TAFA1: variants seen among roughly 807,000 people sequenced by gnomAD.
TAFA1 encodes the protein chemokine-like protein TAFA-1.
Under a neutral mutation model 18.5 loss-of-function variants are expected in TAFA1, and 4 were observed. That is an observed-to-expected ratio of 0.22 (90% confidence interval 0.11 to 0.49). The LOEUF (loss-of-function observed/expected upper bound fraction) is 0.49. Among genes scored for constraint, TAFA1 ranks in the 20% least tolerant of loss-of-function variants. The pLI, the probability that TAFA1 is intolerant of heterozygous loss-of-function variation, is 0.98. For missense variants in TAFA1, 147 were observed against 169.0 expected (o/e 0.87, Z 0.72); for synonymous variants, 56 against 55.2 (o/e 1.01, Z -0.06).
chr3:68,082,801 A>C (rs1021796205), intron 2 of TAFA1, among the ~76,000 whole-genome samples: 64 of 152,196 alleles, frequency 4.2e-4, no homozygotes, highest in African/African-American at 1.5e-3. Context: ...AGTTTCAGCT[A>C]CTTTGGAGGC....
intron 2 of TAFA1, among the ~76,000 whole-genome samples, chr3:68,370,273 G>T (rs2069655486): frequency 1.2e-5 from 1 of 83,420 alleles, no homozygotes; most frequent in African/African-American, 5.2e-5. Context: ...GGGCGACAAG[G>T]GAGACCCCAT....
At chr3:68,458,477 A>G (rs368174285) in intron 3 of TAFA1, among the ~76,000 whole-genome samples, 5 of 152,302 alleles carry the variant, frequency 3.3e-5, no homozygotes, top group African/African-American at 9.6e-5. Flanking sequence ...GTTTTTCATG[A>G]GAACCATATA....
Position 68,138,017 on chromosome 3 carries a change from T to C in TAFA1, c.118+131273T>C, listed in dbSNP as rs563816828. On this transcript the variant is annotated intron_variant, in intron 2 of 4. Transcript: ENST00000478136. ...AAAAAGTGGATTCAATGAGTAGATA[T>C]TTACTTCCCGAAAATTAGGGCAAAG... is the stretch of plus-strand genomic sequence containing the variant. Among the ~76,000 whole-genome samples, 312 of 152,206 alleles carry C rather than the reference T, an allele frequency of 2.0e-3. 1 individual carries two copies. Among genetic ancestry groups the C allele is most frequent in the Non-Finnish European group, 3.9e-3 (267 of 68,010 alleles).
chr3:68,082,521 T>A (rs558052338), intron 2 of TAFA1, among the ~76,000 whole-genome samples: 5 of 152,224 alleles, frequency 3.3e-5, no homozygotes, highest in African/African-American at 1.2e-4. Flanking sequence ...AAATTATTAA[T>A]CTCTCAAAGT....
intron 3 of TAFA1, among the ~76,000 whole-genome samples, chr3:68,445,467 A>C (rs898643747): frequency 6.6e-6 from 1 of 152,170 alleles, no homozygotes; most frequent in Non-Finnish European, 1.5e-5. Flanking sequence ...GGGCAAACTA[A>C]TTTTCTCTGA....
chr3:68,256,853 G>T (rs75466708), intron 2 of TAFA1, among the ~76,000 whole-genome samples: 13,586 of 152,056 alleles, frequency 0.089, 908 homozygotes, highest in Admixed American at 0.25. Flanking sequence ...CAAAACCTTT[G>T]TATGAGCCAC....
chr3:68,190,578 C>A (rs1056418287), intron 2 of TAFA1, among the ~76,000 whole-genome samples: 1 of 151,828 alleles, frequency 6.6e-6, no homozygotes, highest in East Asian at 1.9e-4. Flanking sequence ...GTTCCTCAGT[C>A]TTCCTGTTTT....
chr3:68,108,533 C>G (rs955926472), intron 2 of TAFA1, among the ~76,000 whole-genome samples: 1 of 151,688 alleles, frequency 6.6e-6, no homozygotes, highest in South Asian at 2.1e-4. Context: ...ACTGTGCCTA[C>G]GGTATTAGGC....
At chr3:68,405,272 TTCTC>T (rs1238361731) in intron 2 of TAFA1, among the ~76,000 whole-genome samples, 1 of 152,120 alleles carries the variant, frequency 6.6e-6, no homozygotes, top group East Asian at 1.9e-4. Flanking sequence ...TTGGGCTTCT[TTCTC>T]AGTATGTATT....
chr3:68,164,629 ACGTG>A (rs1465698637), intron 2 of TAFA1, among the ~76,000 whole-genome samples: 1 of 41,324 alleles, frequency 2.4e-5, no homozygotes. Context: ...TCCTTTTGCA[ACGTG>A]TGTGTGTGTG....
chr3:68,469,553 G>C (rs929159631), intron 3 of TAFA1, among the ~76,000 whole-genome samples: 2 of 152,086 alleles, frequency 1.3e-5, no homozygotes, highest in African/African-American at 4.8e-5. Flanking sequence ...GGTGCCTGTA[G>C]TCCCAGCTAC....
intron 2 of TAFA1, among the ~76,000 whole-genome samples, chr3:68,244,255 T>C (rs544752164): frequency 1.8e-4 from 27 of 152,328 alleles, no homozygotes; most frequent in African/African-American, 6.3e-4. Flanking sequence ...ATCAAAAGTT[T>C]CTAATTTTGA....
chr3:68,112,643 C>A (rs1238802708), intron 2 of TAFA1, among the ~76,000 whole-genome samples: 1 of 151,150 alleles, frequency 6.6e-6, no homozygotes, highest in Non-Finnish European at 1.5e-5. Context: ...TTCAGTAATG[C>A]AAGAAAAAAA....
intron 2 of TAFA1, among the ~76,000 whole-genome samples, chr3:68,203,275 T>A (rs899485364): frequency 2.0e-5 from 3 of 151,806 alleles, no homozygotes; most frequent in African/African-American, 2.4e-5. Context: ...GTGTAGGCAT[T>A]TTTTTCTTTT....
intron 3 of TAFA1, chr3:68,417,681 G>T: frequency 2.4e-6 from 1 of 423,566 alleles, no homozygotes; most frequent in Non-Finnish European, 4.3e-6. Flanking sequence ...AGAGGTGACT[G>T]GGCTGTGAGC....
At chr3:68,468,459 C>A (rs972049953) in intron 3 of TAFA1, among the ~76,000 whole-genome samples, 1 of 152,130 alleles carries the variant, frequency 6.6e-6, no homozygotes, top group Non-Finnish European at 1.5e-5. Flanking sequence ...AGACGTGAAC[C>A]AAATTACTCT....
At chr3:68,398,794 G>C (rs2070433026) in intron 2 of TAFA1, among the ~76,000 whole-genome samples, 1 of 152,126 alleles carries the variant, frequency 6.6e-6, no homozygotes, top group South Asian at 2.1e-4. Context: ...TAAAATGTCT[G>C]CTGTCAAATT....
At chr3:68,177,719 T>C (rs1320181108) in intron 2 of TAFA1, among the ~76,000 whole-genome samples, 2 of 152,228 alleles carry the variant, frequency 1.3e-5, no homozygotes, top group African/African-American at 4.8e-5. Flanking sequence ...CAAGTTCAAA[T>C]GCTCTTCCTA....
rs535002993 is a variant in TAFA1 at position 68,009,641 on chromosome 3, A to C, written c.118+2897A>C. 2.0e-5 allele frequency among the ~76,000 whole-genome samples: 3 copies of C among 152,354 alleles called. No homozygotes were observed. In the East Asian group the frequency reaches 5.8e-4, roughly 29 times the overall value. The stretch of plus-strand genomic sequence containing the variant: ...TAAACTTAACATCCAATAGTTCTAT[A>C]TAATACGTTTATTCAACTTTCTTTG... On this transcript the variant is annotated intron_variant, in intron 2 of 4. Transcript: ENST00000478136.
Sources: gnomAD v4.1 joint callset for allele counts (sites outside exome capture counted in the v4.1 genomes callset) on GRCh38, gnomAD v4.1.1 for gene constraint, MANE v1.5 for transcripts, NCBI Gene and HGNC (gene_info 2026-07-23, HGNC 2026-07-21) for gene names.